ABCA4: variants seen among roughly 807,000 people sequenced by gnomAD.
ABCA4 encodes retinal-specific phospholipid-transporting ATPase ABCA4.
ABCA4 carries 196 observed loss-of-function variants against 263.7 expected under a neutral mutation model. The ratio of observed to expected loss-of-function variants is 0.74; its 90% CI spans 0.66 to 0.84. The LOEUF (loss-of-function observed/expected upper bound fraction) is 0.84. Ranked by LOEUF, ABCA4 falls within the 40% of genes least tolerant of loss-of-function variation. The probability of loss-of-function intolerance (pLI) is 0.00; values close to 1 mark genes in which losing one functional copy is unlikely to be tolerated. For missense variants in ABCA4, 2,792 were observed against 2,855.1 expected, an observed-to-expected ratio of 0.98 and a Z score of 0.50; for synonymous variants, 1,133 against 1,094.2, an observed-to-expected ratio of 1.04 and a Z score of -0.70.
At chr1:94,078,759 G>T in intron 9 of ABCA4, 53 bp from the exon 10 acceptor site, 1 of 1,298,058 alleles carries the variant, frequency 7.7e-7, no homozygotes, top group Non-Finnish European at 1.1e-6. Context: ...AAAAGTGAGA[G>T]AGAACTTTTG....
Position 94,005,529 on chromosome 1 carries a change from A to T in ABCA4, c.6059T>A (p.Phe2020Tyr). 1 of 1,614,190 alleles carries T rather than the reference A, an allele frequency of 6.2e-7. No individual in the cohort carries two copies. The highest frequency in any genetic ancestry group is 8.5e-7 in the Non-Finnish European group (1 of 1,180,008). ...VHQNMGYCPQ[F>Y]DAIDELLTGR... ...TGTGAGCAGCTCATCAATTGCATCA[A>T]ACTGAGGACAGTAGCCCATATTTTG... Residue 2020 changes from phenylalanine (F) to tyrosine (Y), a missense_variant, in exon 44 of 50, where the codon TTT becomes TAT. Phe to Tyr is a conservative substitution (Grantham distance 22). Coordinates refer to ENST00000370225, the MANE Select transcript of ABCA4 (RefSeq NM_000350.3).
At chr1:94,032,862 G>A (rs1660243347) in intron 26 of ABCA4, among the ~76,000 whole-genome samples, 1 of 152,198 alleles carries the variant, frequency 6.6e-6, no homozygotes, top group Non-Finnish European at 1.5e-5. Context: ...AAAGGGGAGA[G>A]GAAGTGGGAA....
chr1:94,019,019 GTTT>G lies in ABCA4; in HGVS notation c.5196+560_5196+562del, dbSNP rs757258025. Reference sequence around the variant, plus strand: ...ATTTGAGTTTCAGATAAACAACCAGGTTTTTTTTTTTTTTTTTTTTTTTTTTAG... The same window carrying G: ...ATTTGAGTTTCAGATAAACAACCAGGTTTTTTTTTTTTTTTTTTTTTTTAG... On this transcript the variant is annotated intron_variant, in intron 36 of 49. Transcript: ENST00000370225. Among the ~76,000 whole-genome samples the G allele has an allele frequency of 5.0e-3, 381 of 76,366 alleles. 2 individuals carry two copies. The highest frequency in any genetic ancestry group is 0.015 in the African/African-American group (239 of 16,210). The allele number at this position is 76,366 out of a possible 152,430, so 50.1% of individuals were successfully genotyped here. A position where few individuals can be genotyped will look rare whatever the true frequency, so the allele number is the denominator to read the frequency against.
intron 26 of ABCA4, 149 bp from the exon 27 acceptor site, chr1:94,032,192 A>C: frequency 1.0e-6 from 1 of 987,972 alleles, no homozygotes; most frequent in Admixed American, 2.4e-5. Context: ...CATCTTTATA[A>C]AAATCTATTT....
At chr1:94,031,182 G>GCA (rs765792100) in intron 27 of ABCA4, 62 bp from the exon 28 acceptor site, 23 of 1,598,288 alleles carry the variant, frequency 1.4e-5, no homozygotes, top group Non-Finnish European at 2.0e-5. Flanking sequence ...ACGTGCGCGT[G>GCA]CACACACATC....
At chr1:94,109,129 C>T (rs546019251) in intron 3 of ABCA4, among the ~76,000 whole-genome samples, 3 of 152,306 alleles carry the variant, frequency 2.0e-5, no homozygotes, top group Middle Eastern at 6.8e-3. Context: ...ATTGAGTATC[C>T]TTACAATACT....
chr1:94,091,839 G>C (rs1661977814), intron 6 of ABCA4, among the ~76,000 whole-genome samples: 1 of 152,178 alleles, frequency 6.6e-6, no homozygotes, highest in Admixed American at 6.5e-5. Context: ...TTGATATAAG[G>C]TCCTAGGCAG....
intron 19 of ABCA4, 29 bp from the exon 20 acceptor site, chr1:94,044,773 G>T: frequency 1.2e-6 from 2 of 1,614,202 alleles, no homozygotes; most frequent in Non-Finnish European, 1.7e-6. Context: ...AGTGGCAGAA[G>T]AGATGGCCTT....
intron 11 of ABCA4, among the ~76,000 whole-genome samples, chr1:94,063,562 C>T (rs1661187513): frequency 6.6e-6 from 1 of 152,192 alleles, no homozygotes; most frequent in Non-Finnish European, 1.5e-5. Flanking sequence ...CTAGTGAGGA[C>T]CACACTTTCC....
chr1:94,024,277 G>C (rs1470301015), intron 31 of ABCA4, among the ~76,000 whole-genome samples: 2 of 152,072 alleles, frequency 1.3e-5, no homozygotes, highest in Admixed American at 6.6e-5. Context: ...TCCTGGCATG[G>C]CATGCCCCTG....
At chr1:94,044,065 GCTTC>G (rs1330486365) in intron 20 of ABCA4, among the ~76,000 whole-genome samples, 1 of 11,884 alleles carries the variant, frequency 8.4e-5, no homozygotes, top group African/African-American at 1.3e-4. Context: ...TCCCTCCCTC[GCTTC>G]CTTCTCCCCT....
rs1660938514 is a variant in ABCA4 at position 94,055,165 on chromosome 1, G to C, written c.2533C>G (p.Leu845Val). Residue 845 changes from leucine (L) to valine (V), a missense_variant, in exon 16 of 50, where the codon CTT (leucine) becomes GTT (valine). Leu to Val is a conservative substitution (Grantham distance 32, BLOSUM62 1). Transcript: ENST00000370225. ...AGTAAGCCATAGACAGCAGCATCAA[G>C]GAGCATCATCTGCATGGACAGCAGG... ...SFLLSMQMML[L>V]DAAVYGLLAW... The C allele has an allele frequency of 6.2e-7, 1 of 1,614,120 alleles. No homozygotes were observed.
Position 94,120,820 on chromosome 1 carries a change from T to C in ABCA4, c.66+160A>G, listed in dbSNP as rs113900538. Among the ~76,000 whole-genome samples the C allele has an allele frequency of 1.6e-3, 239 of 152,200 alleles. 1 individual carries two copies. Among genetic ancestry groups the C allele is most frequent in the African/African-American group, 5.3e-3 (218 of 41,518 alleles). ...GTCAGAGGGGCCCACAGAAAGGCCG[T>C]CCAGCTAAACACTGCTTCAGTGCTA... On this transcript the variant is annotated intron_variant, in intron 1 of 49. Transcript: ENST00000370225.
chr1:94,067,915 A>T (rs1268592898), intron 11 of ABCA4, among the ~76,000 whole-genome samples: 1 of 152,230 alleles, frequency 6.6e-6, no homozygotes, highest in Non-Finnish European at 1.5e-5. Flanking sequence ...TGGTATACCA[A>T]ACCGTCTCAC....
chr1:94,093,090 A>G (rs1662011000), intron 6 of ABCA4, among the ~76,000 whole-genome samples: 1 of 152,182 alleles, frequency 6.6e-6, no homozygotes, highest in Non-Finnish European at 1.5e-5. Flanking sequence ...GCAGCTGCCC[A>G]GGCCTGTGGT....
At chr1:94,117,571 C>T (rs57958442) in intron 1 of ABCA4, among the ~76,000 whole-genome samples, 3,858 of 152,204 alleles carry the variant, frequency 0.025, 174 homozygotes, top group African/African-American at 0.088. Context: ...CCTGACACAG[C>T]GCCAGGTCCA....
rs374404349 is a variant in ABCA4, at chr1:93,998,713, A to ATTTATTTTATTTTATTTTAT, written c.6480-623_6480-604dup. 2.6e-3 allele frequency among the ~76,000 whole-genome samples: 350 copies of ATTTATTTTATTTTATTTTAT among 133,704 alleles called. 4 individuals carry two copies. Among genetic ancestry groups the ATTTATTTTATTTTATTTTAT allele is most frequent in the African/African-American group, 9.4e-3 (324 of 34,642 alleles). 87.7% of individuals were successfully genotyped at this position (133,704 alleles called of 152,430 possible). A position where few individuals can be genotyped will look rare whatever the true frequency, so the allele number is the denominator to read the frequency against. ...AAGGTAGTTTTATTTATTTTATTTTATTTATTTTATTTTATTTTATTTTAT... is the reference window on the plus strand; with the variant it reads ...AAGGTAGTTTTATTTATTTTATTTTATTTATTTTATTTTATTTTATTTTATTTTATTTTATTTTATTTTAT... On this transcript the variant is annotated intron_variant, in intron 47 of 49. Transcript: ENST00000370225.
chr1:94,044,961 T>C (rs1163154983), intron 19 of ABCA4, among the ~76,000 whole-genome samples: 1 of 152,230 alleles, frequency 6.6e-6, no homozygotes, highest in Non-Finnish European at 1.5e-5. Context: ...TCTCTGCTTC[T>C]ACTTGTTTCA....
In ABCA4 at chr1:94,021,351, T is replaced by C; in HGVS notation, c.4907A>G (p.Asn1636Ser). The C allele has an allele frequency of 6.2e-7, 1 of 1,614,188 alleles. No homozygotes were observed. The highest frequency in any genetic ancestry group is 8.5e-7 in the Non-Finnish European group (1 of 1,180,036). Residue 1636 changes from asparagine (N) to serine (S), a missense_variant, in exon 35 of 50, where the codon AAC (asparagine) becomes AGC (serine). Transcript: ENST00000370225. ...AGGCAGGCTGGCCCGTAAGATGGCG[T>C]TGTGGGCCACATTGAGAAAGCTGAC... Reference protein sequence around the residue: ...ALVSFLNVAHNAILRASLPKD... With the variant: ...ALVSFLNVAHSAILRASLPKD...
Sources: gnomAD v4.1 joint callset for allele counts (sites outside exome capture counted in the v4.1 genomes callset) on GRCh38, gnomAD v4.1.1 for gene constraint, MANE v1.5 for transcripts, NCBI Gene and HGNC (gene_info 2026-07-23, HGNC 2026-07-21) for gene names.